Variants in PSPC1 observed in about 807,000 individuals in gnomAD.
PSPC1 encodes paraspeckle protein 1.
In PSPC1, 14 loss-of-function variants were observed where a neutral mutation model predicts 51.6. That is an observed-to-expected ratio of 0.27 (90% CI 0.18 to 0.42). PSPC1 has a LOEUF of 0.42. Ranked by LOEUF, PSPC1 falls within the 10% of genes least tolerant of loss-of-function variation. The pLI, the probability that PSPC1 is intolerant of heterozygous loss-of-function variation, is 1.00. For missense variants in PSPC1, 406 were observed against 701.1 expected (o/e 0.58, Z 4.75); for synonymous variants, 193 against 231.9 (o/e 0.83, Z 1.53).
chr13:19,719,285 T>C (rs1401046560), intron 6 of PSPC1, among the ~76,000 whole-genome samples: 2 of 152,108 alleles, frequency 1.3e-5, no homozygotes, highest in Non-Finnish European at 2.9e-5. Flanking sequence ...AAAAGGCTAC[T>C]AAAATATTGA....
chr13:19,717,983 T>C (rs1353877060), intron 6 of PSPC1, among the ~76,000 whole-genome samples: 1 of 151,758 alleles, frequency 6.6e-6, no homozygotes, highest in South Asian at 2.1e-4. Context: ...ATTAGAGGTA[T>C]GGTGACCTAT....
intron 6 of PSPC1, among the ~76,000 whole-genome samples, chr13:19,696,497 A>ACG (rs1378290934): frequency 1.5e-4 from 21 of 141,518 alleles, no homozygotes; most frequent in South Asian, 8.6e-4. Context: ...TCACACACAC[A>ACG]CGCACACACA....
At chr13:19,780,607 A>G (rs1417413945) in intron 1 of PSPC1, among the ~76,000 whole-genome samples, 1 of 119,842 alleles carries the variant, frequency 8.3e-6, no homozygotes, top group Non-Finnish European at 1.8e-5. Context: ...AGATGCTTGA[A>G]GGCAGCATGC....
At position 19,782,776 on chromosome 13, in the gene PSPC1, G is replaced by C. The variant is rs751060818; in HGVS notation, c.-19C>G. On this transcript the variant is annotated 5_prime_UTR_variant, in exon 1 of 9. Transcript: ENST00000338910. This position sits in a 1 kb window ranked among gnomAD's most constrained non-coding sequence, Gnocchi z 4.5. ...ACATCATCTTACTGAGTTCGCCTCG[G>C]ACACCGGATACAGGCCTAGATTTAT... 1 of 1,524,666 alleles carries C rather than the reference G, an allele frequency of 6.6e-7. No homozygotes were observed. Among genetic ancestry groups the C allele is most frequent in the Admixed American group, 2.3e-5 (1 of 43,400 alleles). 94.4% of individuals were successfully genotyped at this position (1,524,666 alleles called of 1,614,324 possible). A position where few individuals can be genotyped will look rare whatever the true frequency, so the allele number is the denominator to read the frequency against.
At chr13:19,678,239 C>G (rs180844599) in intron 6 of PSPC1, 1 of 162,164 alleles carries the variant, frequency 6.2e-6, no homozygotes, top group Admixed American at 6.4e-5. Flanking sequence ...ATCCTCACTC[C>G]CACTGTGTCT....
downstream of PSPC1, among the ~76,000 whole-genome samples, chr13:19,674,048 G>A (rs1341108771): frequency 1.3e-5 from 2 of 152,210 alleles, no homozygotes; most frequent in Non-Finnish European, 2.9e-5. Context: ...TAGGACATAG[G>A]TGATCTCAGG....
At position 19,759,380 on chromosome 13, in the gene PSPC1, A is replaced by G; in HGVS notation, c.713T>C (p.Phe238Ser). The change falls in exon 3 of 9, where the codon TTT (phenylalanine) becomes TCT (serine). Residue 238 changes from phenylalanine to serine, a missense_variant. Physicochemically the swap from Phe to Ser is radical, Grantham distance 155. Transcript: ENST00000338910. ...CTCTGGCAAGCCATCTTCATCATCA[A>G]ACTGCTCCATGGGTTCCACAATGAC... Reference protein sequence around the residue: ...RPVIVEPMEQFDDEDGLPEKL... With the variant: ...RPVIVEPMEQSDDEDGLPEKL... The G allele has an allele frequency of 1.2e-6, 2 of 1,614,156 alleles. No individual in the cohort carries two copies. The highest frequency in any genetic ancestry group is 8.5e-7 in the Non-Finnish European group (1 of 1,180,024).
intron 1 of PSPC1, among the ~76,000 whole-genome samples, chr13:19,774,888 T>A (rs1888952981): frequency 6.6e-6 from 1 of 150,860 alleles, no homozygotes; most frequent in Non-Finnish European, 1.5e-5. Flanking sequence ...AATTTAAAAT[T>A]GACAGGCAGG....
At chr13:19,773,786 G>A (rs905195193) in intron 1 of PSPC1, among the ~76,000 whole-genome samples, 2 of 151,786 alleles carry the variant, frequency 1.3e-5, no homozygotes, top group African/African-American at 4.8e-5. Flanking sequence ...CCGAGTAGCT[G>A]GGTTTCCGGG....
At chr13:19,694,117 C>T (rs12866547) in intron 6 of PSPC1, among the ~76,000 whole-genome samples, 12,784 of 38,052 alleles carry the variant, frequency 0.34, 2,741 homozygotes, top group East Asian at 0.75. Context: ...AGCGAGACTC[C>T]ATCTCAAAAA....
At chr13:19,730,050 T>C (rs1195972568) in intron 6 of PSPC1, among the ~76,000 whole-genome samples, 189 bp downstream of exon 6, 1 of 152,290 alleles carries the variant, frequency 6.6e-6, no homozygotes, top group East Asian at 1.9e-4. Context: ...TCATAAAACA[T>C]AGATATCTTC....
At chr13:19,773,427 T>C (rs905164976) in intron 1 of PSPC1, among the ~76,000 whole-genome samples, 8 of 151,640 alleles carry the variant, frequency 5.3e-5, no homozygotes, top group African/African-American at 1.7e-4. Flanking sequence ...TTTTTTGTAT[T>C]TTTAGTAGAG....
At chr13:19,744,565 C>CT (rs1395061709) in intron 4 of PSPC1, among the ~76,000 whole-genome samples, 2 of 149,664 alleles carry the variant, frequency 1.3e-5, no homozygotes, top group Non-Finnish European at 3.0e-5. Context: ...CTTTTTTTTT[C>CT]TTTTTTTTCT....
chr13:19,676,273 T>C (rs1288049606), intron 7 of PSPC1, among the ~76,000 whole-genome samples: 3 of 152,186 alleles, frequency 2.0e-5, no homozygotes, highest in Non-Finnish European at 4.4e-5. Flanking sequence ...CTCCATAGAC[T>C]AGAAAATTAT....
intron 7 of PSPC1, among the ~76,000 whole-genome samples, chr13:19,707,053 A>G (rs1880772947): frequency 1.3e-5 from 2 of 152,214 alleles, no homozygotes; most frequent in Non-Finnish European, 2.9e-5. Flanking sequence ...TGAAGAGAAT[A>G]TAAGAACAGT....
At chr13:19,750,397 A>C (rs969552713) in intron 4 of PSPC1, among the ~76,000 whole-genome samples, 1 of 151,858 alleles carries the variant, frequency 6.6e-6, no homozygotes, top group Non-Finnish European at 1.5e-5. Context: ...GCGCCACTGC[A>C]CTCCAGCCTG....
At chr13:19,715,155 A>G (rs947296317) in intron 6 of PSPC1, among the ~76,000 whole-genome samples, 6 of 152,200 alleles carry the variant, frequency 3.9e-5, no homozygotes, top group Non-Finnish European at 2.9e-5. Flanking sequence ...TATGGTAAAT[A>G]TTGATATAAT....
chr13:19,752,594 A>T (rs114422764), intron 3 of PSPC1, among the ~76,000 whole-genome samples: 13,036 of 150,248 alleles, frequency 0.087, 597 homozygotes, highest in Middle Eastern at 0.13. Flanking sequence ...TTATTTATTT[A>T]TTTATTTTTG....
chr13:19,745,395 T>C (rs1885862400), intron 4 of PSPC1, among the ~76,000 whole-genome samples: 1 of 152,178 alleles, frequency 6.6e-6, no homozygotes, highest in South Asian at 2.1e-4. Flanking sequence ...ATAATTTCAA[T>C]GTATCATAAA....
Sources: gnomAD v4.1 joint callset for allele counts (sites outside exome capture counted in the v4.1 genomes callset) on GRCh38, gnomAD v4.1.1 for gene constraint, Gnocchi (gnomAD v3.1) non-coding constraint, MANE v1.5 for transcripts, NCBI Gene and HGNC (gene_info 2026-07-23, HGNC 2026-07-21) for gene names.